Variants in USP42 observed in about 807,000 individuals in gnomAD.
USP42 encodes ubiquitin carboxyl-terminal hydrolase 42.
In USP42, 23 loss-of-function variants were observed where a neutral mutation model predicts 113.0. The ratio of observed to expected loss-of-function variants is 0.20; its 90% CI spans 0.15 to 0.29. The LOEUF is 0.29. USP42 is among the 10% of genes least tolerant of loss of function. The pLI, the probability that USP42 is intolerant of heterozygous loss-of-function variation, is 1.00. For synonymous variants in USP42, 933 were observed against 699.0 expected (o/e 1.33, Z -5.28); for missense variants, 2,174 against 1,779.8 (o/e 1.22, Z -3.99).
chr7:6,102,304 G>C (rs1790151227), upstream of USP42, among the ~76,000 whole-genome samples: 1 of 149,838 alleles, frequency 6.7e-6, no homozygotes, highest in Non-Finnish European at 1.5e-5. Context: ...AGTAGAGACA[G>C]AGTTTCAGCA....
chr7:6,141,202 T>G (rs1431581151), intron 7 of USP42, among the ~76,000 whole-genome samples: 1 of 138,652 alleles, frequency 7.2e-6, no homozygotes, highest in East Asian at 2.0e-4. Flanking sequence ...TTTTCTTTTC[T>G]TTTTTTTTTT....
At chr7:6,124,412 T>C (rs1780411093) in intron 3 of USP42, among the ~76,000 whole-genome samples, 1 of 151,620 alleles carries the variant, frequency 6.6e-6, no homozygotes, top group African/African-American at 2.4e-5. Flanking sequence ...GGACTACGGG[T>C]GCACCACCAC....
In USP42 at chr7:6,140,896, A is replaced by G. The variant is rs761344277; in HGVS notation, c.725-18A>G. 6 of 1,434,462 alleles carry G rather than the reference A, an allele frequency of 4.2e-6. 1 individual carries two copies. The South Asian group carries it at 7.6e-5, about 18-fold the overall frequency. 88.9% of individuals were successfully genotyped at this position (1,434,462 alleles called of 1,614,324 possible). On this transcript the variant is annotated intron_variant, in intron 6 of 17. Coordinates refer to ENST00000306177, the MANE Select transcript of USP42 (RefSeq NM_032172.3). ...TGATTATACTTTGCTCATCTTTTGC[A>G]TTTTATTTTTATTTCAGTCAAATGT...
At position 6,157,001 on chromosome 7, in the gene USP42, C is replaced by T; in HGVS notation, c.3889C>T (p.His1297Tyr). 1 of 1,613,514 alleles carries T rather than the reference C, an allele frequency of 6.2e-7. No homozygotes were observed. The highest frequency in any genetic ancestry group is 8.5e-7 in the Non-Finnish European group (1 of 1,179,708). Reference sequence around the variant, plus strand: ...CGGACCTTTCCGTGAGAAAACGAAACACTTACGGATGGAAAGCAGGGATGA... The same window carrying T: ...CGGACCTTTCCGTGAGAAAACGAAATACTTACGGATGGAAAGCAGGGATGA... ...GVGPFREKTK[H>Y]LRMESRDDRC... Residue 1297 changes from histidine (H) to tyrosine (Y), a missense_variant, in exon 16 of 18, where the codon CAC becomes TAC. Physicochemically the swap from His to Tyr is moderately conservative, Grantham distance 83. Coordinates refer to ENST00000306177, the MANE Select transcript of USP42 (RefSeq NM_032172.3). The surrounding 1 kb of genome is among the most constrained non-coding windows in gnomAD (Gnocchi z 4.1).
At chr7:6,152,533 T>TGTTA (rs1204097852) in intron 14 of USP42, among the ~76,000 whole-genome samples, 1 of 151,196 alleles carries the variant, frequency 6.6e-6, no homozygotes, top group Non-Finnish European at 1.5e-5. Flanking sequence ...TGAGGCCCTC[T>TGTTA]GTTAGGAGGG....
Position 6,105,680 on chromosome 7 carries a change from G to C in USP42, c.-10+648G>C, listed in dbSNP as rs534050738. On this transcript the variant is annotated intron_variant, in intron 1 of 17. Coordinates refer to ENST00000306177, the MANE Select transcript of USP42 (RefSeq NM_032172.3). ...CACCCCGAAGGGAGAGGAGAAGCCGGGTGGCGCGTCCCCAAAAGCATGTGT... is the reference window on the plus strand; with the variant it reads ...CACCCCGAAGGGAGAGGAGAAGCCGCGTGGCGCGTCCCCAAAAGCATGTGT... 5.9e-5 allele frequency among the ~76,000 whole-genome samples: 9 copies of C among 152,340 alleles called. No individual in the cohort carries two copies. In the East Asian group the frequency reaches 1.7e-3, roughly 29 times the overall value.
At position 6,158,711 on chromosome 7, in the gene USP42, G is replaced by A. The variant is rs1289304405; in HGVS notation, c.3944-739G>A. 1.3e-5 allele frequency among the ~76,000 whole-genome samples: 2 copies of A among 152,184 alleles called. No individual in the cohort carries two copies. Among genetic ancestry groups the A allele is most frequent in the Non-Finnish European group, 1.5e-5 (1 of 68,038 alleles). The stretch of plus-strand genomic sequence containing the variant: ...CTGGACATTTCAGAATTGGTTTTGC[G>A]TTCCCATTTCAGCGAATCGGGGAAG... On this transcript the variant is annotated intron_variant, in intron 16 of 17. Transcript: ENST00000306177. The surrounding 1 kb of genome is among the most constrained non-coding windows in gnomAD (Gnocchi z 4.2).
upstream of USP42, among the ~76,000 whole-genome samples, chr7:6,102,199 T>A: frequency 7.0e-6 from 1 of 142,322 alleles, no homozygotes; most frequent in East Asian, 2.2e-4. Flanking sequence ...CACTGCAACC[T>A]CTGCCTCCCA....
the USP42 span, among the ~76,000 whole-genome samples, chr7:6,089,714 G>C: frequency 6.0e-5 from 9 of 149,924 alleles, no homozygotes; most frequent in Non-Finnish European, 1.3e-4. Flanking sequence ...TTTGTATTTA[G>C]TAGAGATGGG....
At chr7:6,131,256 A>G (rs1157894240) in intron 3 of USP42, among the ~76,000 whole-genome samples, 1 of 152,118 alleles carries the variant, frequency 6.6e-6, no homozygotes, top group African/African-American at 2.4e-5. Flanking sequence ...AGGGTGGATC[A>G]CTTGAGCCCA....
the USP42 span, among the ~76,000 whole-genome samples, chr7:6,085,430 C>T: frequency 1.6e-4 from 24 of 148,012 alleles, 2 homozygotes; most frequent in Admixed American, 8.0e-4. Flanking sequence ...CGGCCACCAT[C>T]CCCTTTTAGT....
chr7:6,096,270 C>G, the USP42 span, among the ~76,000 whole-genome samples: 1 of 151,224 alleles, frequency 6.6e-6, no homozygotes, highest in African/African-American at 2.5e-5. Context: ...GCCAGCAGTT[C>G]GAGACCAGCT....
At chr7:6,096,581 A>C in the USP42 span, among the ~76,000 whole-genome samples, 2 of 151,510 alleles carry the variant, frequency 1.3e-5, no homozygotes, top group South Asian at 4.1e-4. Context: ...TAAACTAACA[A>C]GGTGACTGCA....
rs184056767 is a variant in USP42, at chr7:6,127,023, A to G, written c.443-8818A>G. ...TGTCACTAGTGTTCATTTTACCTGT[A>G]CTGATAGGTGTGTAGTGGTAACTCA... On this transcript the variant is annotated intron_variant, in intron 3 of 17. Coordinates refer to ENST00000306177, the MANE Select transcript of USP42 (RefSeq NM_032172.3). Among the ~76,000 whole-genome samples the G allele has an allele frequency of 9.8e-5, 15 of 152,304 alleles. No homozygotes were observed. In the East Asian group the frequency reaches 2.9e-3, roughly 29 times the overall value.
intron 3 of USP42, among the ~76,000 whole-genome samples, chr7:6,132,157 C>T (rs1056882621): frequency 6.6e-6 from 1 of 152,062 alleles, no homozygotes; most frequent in African/African-American, 2.4e-5. Flanking sequence ...AACTCCTAGG[C>T]TCAAGCGATC....
upstream of USP42, among the ~76,000 whole-genome samples, chr7:6,102,614 G>A (rs1790160427): frequency 6.6e-6 from 1 of 150,580 alleles, no homozygotes; most frequent in Admixed American, 6.6e-5. Context: ...AGATTAGCCA[G>A]GTGTGGTGGG....
chr7:6,124,643 G>C (rs147311212), intron 3 of USP42, among the ~76,000 whole-genome samples: 1 of 152,046 alleles, frequency 6.6e-6, no homozygotes, highest in Non-Finnish European at 1.5e-5. Flanking sequence ...TTTATTTTGA[G>C]GCATTATACC....
intron 3 of USP42, 39 bp downstream of exon 3, chr7:6,115,562 C>T (rs1346808966): frequency 6.3e-7 from 1 of 1,596,612 alleles, no homozygotes; most frequent in Non-Finnish European, 8.6e-7. Context: ...TTGTAGTGCG[C>T]TAACCTACTT....
upstream of USP42, among the ~76,000 whole-genome samples, chr7:6,102,759 G>C (rs1790166344): frequency 6.6e-6 from 1 of 150,838 alleles, no homozygotes; most frequent in South Asian, 2.1e-4. Flanking sequence ...ACATAAAAGA[G>C]GAAAGGGAAC....
Sources: gnomAD v4.1 joint callset for allele counts (sites outside exome capture counted in the v4.1 genomes callset) on GRCh38, gnomAD v4.1.1 for gene constraint, Gnocchi (gnomAD v3.1) non-coding constraint, MANE v1.5 for transcripts, NCBI Gene and HGNC (gene_info 2026-07-23, HGNC 2026-07-21) for gene names.